Variants in CLVS1 observed in about 807,000 individuals in gnomAD.
CLVS1 encodes clavesin-1.
A neutral mutation model predicts 33.1 loss-of-function variants in CLVS1; 10 were observed. The ratio of observed to expected loss-of-function variants is 0.30; its 90% CI spans 0.19 to 0.51. The LOEUF (loss-of-function observed/expected upper bound fraction) is 0.51, where lower values mean the gene tolerates loss of function less well. Ranked by LOEUF, CLVS1 falls within the 20% of genes least tolerant of loss-of-function variation. The pLI, the probability that CLVS1 is intolerant of heterozygous loss-of-function variation, is 0.97. For missense variants in CLVS1, 343 were observed against 433.4 expected (o/e 0.79, Z 1.85); for synonymous variants, 163 against 166.1 (o/e 0.98, Z 0.14).
intron 2 of CLVS1, among the ~76,000 whole-genome samples, chr8:61,180,442 CT>C (rs1308711586): frequency 6.6e-6 from 1 of 152,152 alleles, no homozygotes; most frequent in African/African-American, 2.4e-5. Flanking sequence ...CCTACTGAAA[CT>C]ACTGCAAAAA....
At chr8:61,115,581 G>C (rs1400216976) in intron 1 of CLVS1, among the ~76,000 whole-genome samples, 2 of 151,474 alleles carry the variant, frequency 1.3e-5, no homozygotes, top group Non-Finnish European at 2.9e-5. Flanking sequence ...GTGTCCATGT[G>C]TTCTCATTGT....
At chr8:61,100,418 T>C (rs1370043163) in intron 1 of CLVS1, among the ~76,000 whole-genome samples, 1 of 152,188 alleles carries the variant, frequency 6.6e-6, no homozygotes, top group Non-Finnish European at 1.5e-5. Context: ...TGCCCAGACA[T>C]TTTTTGGATA....
In CLVS1 at chr8:61,409,803, C is replaced by G. The variant is rs111426794; in HGVS notation, c.630+33024C>G. On this transcript the variant is annotated intron_variant, in intron 3 of 5. Transcript: ENST00000325897. ...TTACCCAATAGAATGTTTCCTTACA[C>G]TCTTAGATTTTTGACAACCTGATAG... 4.9e-3 allele frequency among the ~76,000 whole-genome samples: 751 copies of G among 152,256 alleles called. 3 individuals carry two copies. The highest frequency in any genetic ancestry group is 0.016 in the African/African-American group (684 of 41,538).
intron 3 of CLVS1, among the ~76,000 whole-genome samples, chr8:61,382,916 C>T (rs916661950): frequency 1.3e-5 from 2 of 152,162 alleles, no homozygotes; most frequent in African/African-American, 4.8e-5. Flanking sequence ...TGTCAGTACC[C>T]TCCTCAGAGG....
chr8:61,452,541 T>A (rs942096831), intron 3 of CLVS1, among the ~76,000 whole-genome samples: 1 of 152,110 alleles, frequency 6.6e-6, no homozygotes, highest in Non-Finnish European at 1.5e-5. Context: ...TCGGGAATGG[T>A]CTCTTTTTTT....
At chr8:61,445,296 A>G (rs897284563) in intron 3 of CLVS1, among the ~76,000 whole-genome samples, 2 of 152,196 alleles carry the variant, frequency 1.3e-5, no homozygotes, top group African/African-American at 4.8e-5. Context: ...ATAAGGATTG[A>G]TATAATTTGG....
chr8:61,228,593 T>C (rs942489100), intron 2 of CLVS1, among the ~76,000 whole-genome samples: 3 of 152,258 alleles, frequency 2.0e-5, no homozygotes, highest in Admixed American at 1.3e-4. Flanking sequence ...ATGTAATCTT[T>C]GTTTTTATGA....
At chr8:61,090,128 A>G (rs540164624) in intron 1 of CLVS1, among the ~76,000 whole-genome samples, 1 of 152,282 alleles carries the variant, frequency 6.6e-6, no homozygotes, top group South Asian at 2.1e-4. Flanking sequence ...TACTCATTCA[A>G]CTTTTTCCTG....
intron 3 of CLVS1, among the ~76,000 whole-genome samples, chr8:61,442,168 A>G (rs1651697623): frequency 6.6e-6 from 1 of 152,184 alleles, no homozygotes; most frequent in Non-Finnish European, 1.5e-5. Flanking sequence ...CATCATTTCA[A>G]TAATGTCATA....
the CLVS1 span, among the ~76,000 whole-genome samples, chr8:61,032,520 G>A: frequency 6.6e-6 from 1 of 152,136 alleles, no homozygotes; most frequent in African/African-American, 2.4e-5. Flanking sequence ...TGCTGGCCAG[G>A]GAGCTGATGG....
chr8:61,319,153 ATGT>A (rs975449752), intron 2 of CLVS1, among the ~76,000 whole-genome samples: 5 of 151,762 alleles, frequency 3.3e-5, no homozygotes, highest in Non-Finnish European at 5.9e-5. Context: ...TAATTTTGTC[ATGT>A]TGTTTGTGGT....
Position 61,288,101 on chromosome 8 carries a change from A to C in CLVS1, c.-189A>C. ...GTTCAGCAGCGAGGACACCTGCAGAAATACATTCCCAAAGCAAGGCTGGGC... is the reference window on the plus strand; with the variant it reads ...GTTCAGCAGCGAGGACACCTGCAGACATACATTCCCAAAGCAAGGCTGGGC... On this transcript the variant is annotated 5_prime_UTR_variant, in exon 1 of 6. Coordinates refer to ENST00000325897, the MANE Select transcript of CLVS1 (RefSeq NM_173519.3). 1 of 456,286 alleles carries C rather than the reference A, an allele frequency of 2.2e-6. No homozygotes were observed. Among genetic ancestry groups the C allele is most frequent in the South Asian group, 1.5e-5 (1 of 64,560 alleles). 28.3% of individuals were successfully genotyped at this position (456,286 alleles called of 1,614,324 possible). A position where few individuals can be genotyped will look rare whatever the true frequency, so the allele number is the denominator to read the frequency against.
chr8:61,331,630 T>C (rs566517113), intron 2 of CLVS1, among the ~76,000 whole-genome samples: 67 of 152,294 alleles, frequency 4.4e-4, no homozygotes, highest in African/African-American at 1.6e-3. Context: ...CTCTGCACTT[T>C]TCACATAGGG....
intron 1 of CLVS1, among the ~76,000 whole-genome samples, chr8:61,093,701 T>C (rs1805295693): frequency 6.6e-6 from 1 of 152,242 alleles, no homozygotes; most frequent in Admixed American, 6.5e-5. Context: ...CTTTTCTTTC[T>C]GGAACACACA....
chr8:61,066,674 C>T (rs1333864265), intron 1 of CLVS1, among the ~76,000 whole-genome samples: 1 of 152,122 alleles, frequency 6.6e-6, no homozygotes, highest in African/African-American at 2.4e-5. Context: ...ACGGAGGTTG[C>T]CCTGAAAAAC....
chr8:61,216,962 GTCTT>G (rs1309445301), intron 2 of CLVS1, among the ~76,000 whole-genome samples: 3 of 152,100 alleles, frequency 2.0e-5, no homozygotes, highest in Non-Finnish European at 4.4e-5. Flanking sequence ...AGCATTTTTA[GTCTT>G]TCTAAGTTCT....
At chr8:61,369,954 C>A (rs899022756) in intron 2 of CLVS1, among the ~76,000 whole-genome samples, 1 of 152,144 alleles carries the variant, frequency 6.6e-6, no homozygotes, top group African/African-American at 2.4e-5. Context: ...ACTGTAAGAA[C>A]CACATCATAG....
intron 2 of CLVS1, among the ~76,000 whole-genome samples, chr8:61,248,195 G>A (rs1255048551): frequency 6.6e-6 from 1 of 152,154 alleles, no homozygotes; most frequent in East Asian, 1.9e-4. Flanking sequence ...TAGCCTTGTA[G>A]TATAGTTTGA....
chr8:61,180,652 G>A (rs1043395987), intron 2 of CLVS1, among the ~76,000 whole-genome samples: 11 of 152,228 alleles, frequency 7.2e-5, no homozygotes, highest in Middle Eastern at 3.4e-3. Flanking sequence ...TGATCAAGAT[G>A]GTTTCATCCC....
Sources: allele counts gnomAD v4.1 joint callset (sites outside exome capture counted in the v4.1 genomes callset), GRCh38; gene constraint gnomAD v4.1.1; transcripts MANE v1.5; gene names NCBI Gene and HGNC (gene_info 2026-07-23, HGNC 2026-07-21).